Variants in C16orf78 observed in about 807,000 individuals in gnomAD.
The protein encoded by C16orf78 is chromosome 16 open reading frame 78, also known as uncharacterized protein C16orf78.
C16orf78 carries 19 observed loss-of-function variants against 27.3 expected under a neutral mutation model. The ratio of observed to expected loss-of-function variants is 0.70; its 90% CI spans 0.49 to 1.02. The LOEUF is 1.02. C16orf78 is among the 50% of genes least tolerant of loss of function. The pLI is 0.00. For synonymous variants in C16orf78, 130 were observed against 116.1 expected (o/e 1.12, Z -0.77); for missense variants, 339 against 337.0 (o/e 1.01, Z -0.05).
At chr16:49,396,134 C>T (rs1965468993) in intron 3 of C16orf78, among the ~76,000 whole-genome samples, 1 of 152,034 alleles carries the variant, frequency 6.6e-6, no homozygotes. Context: ...CCCAGCTACT[C>T]GGGAGGGTGA....
intron 3 of C16orf78, among the ~76,000 whole-genome samples, chr16:49,395,889 A>G (rs1403571860): frequency 6.6e-6 from 1 of 152,106 alleles, no homozygotes; most frequent in African/African-American, 2.4e-5. Context: ...AGGGAAAGGA[A>G]GGGAGTCGGA....
chr16:49,381,737 T>C (rs1965289648), intron 3 of C16orf78, among the ~76,000 whole-genome samples: 1 of 150,888 alleles, frequency 6.6e-6, no homozygotes, highest in African/African-American at 2.4e-5. Flanking sequence ...CCAGTTAGAA[T>C]GGCAATCATT....
rs1965475213 is a variant in C16orf78, at chr16:49,396,429, A to G, written c.401A>G (p.Asp134Gly). Reference protein sequence around the residue: ...IKDGPKKSDTDIKDAVDPEST... With the variant: ...IKDGPKKSDTGIKDAVDPEST... The stretch of plus-strand genomic sequence containing the variant: ...GGCATCTGTCCAATTTCAGATACAG[A>G]CATCAAGGATGCAGTCGACCCAGAG... The change falls in exon 4 of 5, where the codon GAC (aspartate) becomes GGC (glycine). Residue 134 changes from aspartate to glycine, a missense_variant. Transcript: ENST00000299191. 1 of 1,614,036 alleles carries G rather than the reference A, an allele frequency of 6.2e-7. No homozygotes were observed. Among genetic ancestry groups the G allele is most frequent in the Non-Finnish European group, 8.5e-7 (1 of 1,179,990 alleles).
At chr16:49,395,789 A>C (rs544767483) in intron 3 of C16orf78, among the ~76,000 whole-genome samples, 1 of 152,238 alleles carries the variant, frequency 6.6e-6, no homozygotes, top group Admixed American at 6.5e-5. Flanking sequence ...GATATCCTCT[A>C]GGCTACCTCC....
At chr16:49,387,427 T>G (rs1965364761) in intron 3 of C16orf78, among the ~76,000 whole-genome samples, 1 of 152,226 alleles carries the variant, frequency 6.6e-6, no homozygotes, top group Non-Finnish European at 1.5e-5. Context: ...TGATAGTTTC[T>G]TCTCTTGTGC....
chr16:49,379,265 GT>G (rs1437209412), intron 3 of C16orf78, among the ~76,000 whole-genome samples: 2 of 151,968 alleles, frequency 1.3e-5, no homozygotes, highest in East Asian at 3.9e-4. Flanking sequence ...AATATTAGTG[GT>G]TTTTTTCTAA....
At chr16:49,381,032 G>T in intron 3 of C16orf78, among the ~76,000 whole-genome samples, 1 of 151,050 alleles carries the variant, frequency 6.6e-6, no homozygotes, top group Non-Finnish European at 1.5e-5. Context: ...TTTGGTTACT[G>T]TAGCCTTGTA....
rs138173155 is a variant in C16orf78, at chr16:49,399,132, T to C, written c.652T>C (p.Tyr218His). ...LKPEEVLSCR[Y>H]LRLSKENIRT... Reference sequence around the variant, plus strand: ...CCTCTTTTGCCTTCTCTTGAACAGATACCTGAGGTTATCCAAGGAGAACAT... The same window carrying C: ...CCTCTTTTGCCTTCTCTTGAACAGACACCTGAGGTTATCCAAGGAGAACAT... Residue 218 changes from tyrosine (Y) to histidine (H), a missense_variant and splice_region_variant, in exon 5 of 5, where the codon TAC (tyrosine) becomes CAC (histidine). Transcript: ENST00000299191. 5.1e-5 allele frequency: 82 copies of C among 1,613,926 alleles called. No individual in the cohort carries two copies. The East Asian group carries it at 1.7e-3, about 34-fold the overall frequency.
intron 4 of C16orf78, among the ~76,000 whole-genome samples, chr16:49,398,138 T>C (rs1340956896): frequency 6.6e-6 from 1 of 152,160 alleles, no homozygotes; most frequent in Non-Finnish European, 1.5e-5. Flanking sequence ...GAAAAAGTAG[T>C]CCAAGTGTGG....
At chr16:49,390,384 T>C (rs1965398313) in intron 3 of C16orf78, among the ~76,000 whole-genome samples, 1 of 152,210 alleles carries the variant, frequency 6.6e-6, no homozygotes, top group Non-Finnish European at 1.5e-5. Context: ...AGTCCCAAAA[T>C]TCATCTTGTG....
chr16:49,392,057 C>G (rs1350479911), intron 3 of C16orf78, among the ~76,000 whole-genome samples: 3 of 152,216 alleles, frequency 2.0e-5, no homozygotes, highest in Non-Finnish European at 2.9e-5. Context: ...AGGCCACTGT[C>G]TCTGCATTTA....
At chr16:49,379,677 A>C (rs1384898757) in intron 3 of C16orf78, among the ~76,000 whole-genome samples, 1 of 152,166 alleles carries the variant, frequency 6.6e-6, no homozygotes, top group Non-Finnish European at 1.5e-5. Context: ...TATACAAAAA[A>C]ATGTTAATTT....
intron 3 of C16orf78, among the ~76,000 whole-genome samples, chr16:49,386,793 C>T (rs191046121): frequency 1.4e-3 from 211 of 152,306 alleles, no homozygotes; most frequent in Admixed American, 2.5e-3. Flanking sequence ...CTTTTTATGG[C>T]TGCATAGTAT....
intron 4 of C16orf78, among the ~76,000 whole-genome samples, chr16:49,397,486 G>T (rs1426703215): frequency 1.3e-5 from 2 of 152,212 alleles, no homozygotes; most frequent in African/African-American, 2.4e-5. Flanking sequence ...AAGGATGGAT[G>T]AATAGAATGG....
chr16:49,385,014 C>A (rs576099020), intron 3 of C16orf78, among the ~76,000 whole-genome samples: 2 of 152,110 alleles, frequency 1.3e-5, no homozygotes, highest in African/African-American at 2.4e-5. Flanking sequence ...CACCATTGAA[C>A]CTGCCTTATA....
chr16:49,380,560 A>C (rs1384156076), intron 3 of C16orf78, among the ~76,000 whole-genome samples: 2 of 152,112 alleles, frequency 1.3e-5, no homozygotes, highest in East Asian at 1.9e-4. Flanking sequence ...AACCTCTCAC[A>C]CGAAGTCATT....
chr16:49,384,164 C>T (rs1038721597), intron 3 of C16orf78, among the ~76,000 whole-genome samples: 6 of 151,884 alleles, frequency 4.0e-5, no homozygotes, highest in African/African-American at 9.7e-5. Context: ...GCCTGAACAA[C>T]GTGGAGAAAC....
chr16:49,397,075 GACCT>G (rs1445759698), intron 4 of C16orf78, among the ~76,000 whole-genome samples: 3 of 152,180 alleles, frequency 2.0e-5, no homozygotes, highest in Admixed American at 6.5e-5. Flanking sequence ...CATCCTCAGT[GACCT>G]ACCTGCTGCA....
chr16:49,377,751 G>A lies in C16orf78; in HGVS notation c.171G>A (p.Val57=), dbSNP rs758895800. Reference sequence around the variant, plus strand: ...TTCAGAAGCAAAAGCCCAAAGTGGTGACAGTCCTTAAACGAAATAAGAAGA... The same window carrying A: ...TTCAGAAGCAAAAGCCCAAAGTGGTAACAGTCCTTAAACGAAATAAGAAGA... ...QAPEKQKPKV[V]TVLKRNKKKE... Residue 57 remains valine (V), a synonymous_variant, in exon 2 of 5, where the codon GTG becomes GTA. Transcript: ENST00000299191. The A allele has an allele frequency of 6.2e-7, 1 of 1,603,708 alleles. No individual in the cohort carries two copies. The highest frequency in any genetic ancestry group is 2.2e-5 in the East Asian group (1 of 44,716).
Sources: gnomAD v4.1 joint callset for allele counts (sites outside exome capture counted in the v4.1 genomes callset) on GRCh38, gnomAD v4.1.1 for gene constraint, MANE v1.5 for transcripts, NCBI Gene and HGNC (gene_info 2026-07-23, HGNC 2026-07-21) for gene names.